The following IL20RA variants were observed in gnomAD, a reference collection of about 807,000 sequenced individuals.
IL20RA encodes interleukin 20 receptor subunit alpha.
Under a neutral mutation model 36.5 loss-of-function variants are expected in IL20RA, and 29 were observed. That is an observed-to-expected ratio of 0.79 (90% CI 0.59 to 1.08). The LOEUF (loss-of-function observed/expected upper bound fraction) is 1.08. Ranked by LOEUF, IL20RA falls within the 50% of genes least tolerant of loss-of-function variation. The pLI is 0.00. For synonymous variants in IL20RA, 279 were observed against 267.1 expected (o/e 1.04, Z -0.43); for missense variants, 652 against 668.4 (o/e 0.98, Z 0.27).
At position 137,009,493 on chromosome 6, in the gene IL20RA, C is replaced by T; in HGVS notation, c.404-1G>A. On this transcript the variant is annotated splice_acceptor_variant, in intron 3 of 6. Transcript: ENST00000316649. LOFTEE classifies it high-confidence loss of function. ...GCCACCTCTGGTGGGCCAATTTGTG[C>T]TTAAAGGGGGAGAAAGAGGGTATTA... 2 of 1,597,224 alleles carry T rather than the reference C, an allele frequency of 1.3e-6. No individual in the cohort carries two copies. The highest frequency in any genetic ancestry group is 1.7e-6 in the Non-Finnish European group (2 of 1,165,716).
At chr6:137,004,583 C>A (rs1163794436) in intron 6 of IL20RA, 38 bp downstream of exon 6, 1 of 1,595,802 alleles carries the variant, frequency 6.3e-7, no homozygotes, top group African/African-American at 1.3e-5. Flanking sequence ...TGGAGGTGTA[C>A]TATTATAATA....
chr6:137,044,490 A>T (rs914442948), intron 1 of IL20RA, 151 bp downstream of exon 1: 1 of 868,950 alleles, frequency 1.2e-6, no homozygotes, highest in East Asian at 3.7e-5. Flanking sequence ...CGGGGCTGGA[A>T]GCTCCGGCCT....
At chr6:137,030,416 C>G (rs1024572271) in intron 1 of IL20RA, among the ~76,000 whole-genome samples, 2 of 152,050 alleles carry the variant, frequency 1.3e-5, no homozygotes, top group Non-Finnish European at 2.9e-5. Flanking sequence ...TCAGTAAGTA[C>G]TTCAGTAAGC....
rs966447793 is a variant in IL20RA at position 137,004,650 on chromosome 6, C to T, written c.835G>A (p.Val279Ile). Reference protein sequence around the residue: ...MGYSIYRYIHVGKEKHPANLI... With the variant: ...MGYSIYRYIHIGKEKHPANLI... ...TTTGCTGGGTGTTTCTCTTTGCCAA[C>T]GTGGATATATCGGTAGATGGAATAG... Residue 279 changes from valine to isoleucine, a missense_variant, in exon 6 of 7, where the codon GTT becomes ATT. Val to Ile is a conservative substitution (Grantham distance 29). Transcript: ENST00000316649. 12 of 1,613,060 alleles carry T rather than the reference C, an allele frequency of 7.4e-6. No individual in the cohort carries two copies. Among genetic ancestry groups the T allele is most frequent in the Admixed American group, 3.3e-5 (2 of 59,882 alleles).
intron 1 of IL20RA, among the ~76,000 whole-genome samples, chr6:137,022,300 T>G (rs1426139731): frequency 1.3e-5 from 2 of 152,170 alleles, no homozygotes; most frequent in African/African-American, 4.8e-5. Context: ...CCTCCTCTTT[T>G]GACACGTTCT....
chr6:137,029,187 T>G (rs117990984), intron 1 of IL20RA, among the ~76,000 whole-genome samples: 2,516 of 152,360 alleles, frequency 0.017, 23 homozygotes, highest in Non-Finnish European at 0.028. Flanking sequence ...TTAGATTATA[T>G]AAAGCTCTTC....
chr6:137,009,255 T>C, intron 4 of IL20RA, 62 bp downstream of exon 4: 6 of 1,345,404 alleles, frequency 4.5e-6, no homozygotes, highest in Non-Finnish European at 5.3e-6. Flanking sequence ...TCAGGGTTGT[T>C]TGTTCCCACA....
chr6:137,006,644 G>A (rs894856543), intron 5 of IL20RA, among the ~76,000 whole-genome samples: 2 of 152,138 alleles, frequency 1.3e-5, no homozygotes, highest in African/African-American at 4.8e-5. Context: ...GTGTTGGAAA[G>A]ATATCTCTGG....
In IL20RA at chr6:137,001,683, CG is replaced by C; in HGVS notation, c.1536del (p.Gly513GlufsTer61). 6.2e-7 allele frequency: 1 copy of C among 1,614,142 alleles called. No individual in the cohort carries two copies. The highest frequency in any genetic ancestry group is 1.1e-5 in the South Asian group (1 of 91,078). On this transcript the variant is annotated frameshift_variant, in exon 7 of 7. Coordinates refer to ENST00000316649, the MANE Select transcript of IL20RA (RefSeq NM_014432.4). LOFTEE classifies it low-confidence loss of function (END_TRUNC). ...EGCEPSEGDG[L>X]GEEGLLSRLY... ...AGTCTAGATAGAAGACCCTCCTCTCCGAGCCCATCCCCCTCAGAAGGCTCGC... is the reference window on the plus strand; with the variant it reads ...AGTCTAGATAGAAGACCCTCCTCTCCAGCCCATCCCCCTCAGAAGGCTCGC...
chr6:137,037,256 C>G (rs1487145742), intron 1 of IL20RA, among the ~76,000 whole-genome samples: 1 of 152,128 alleles, frequency 6.6e-6, no homozygotes, highest in African/African-American at 2.4e-5. Flanking sequence ...ATTGAAGTAT[C>G]CATTTTGGTG....
chr6:137,032,711 A>C (rs1776340211), intron 1 of IL20RA, among the ~76,000 whole-genome samples: 1 of 152,240 alleles, frequency 6.6e-6, no homozygotes, highest in Non-Finnish European at 1.5e-5. Context: ...GGAATCTCAG[A>C]CTTTCCAATC....
At chr6:137,013,249 G>T (rs1775560658) in intron 2 of IL20RA, among the ~76,000 whole-genome samples, 1 of 152,090 alleles carries the variant, frequency 6.6e-6, no homozygotes, top group Non-Finnish European at 1.5e-5. Flanking sequence ...TGCCTATGTG[G>T]CCCCTCCCTC....
chr6:137,001,755 G>A lies in IL20RA; in HGVS notation c.1465C>T (p.Leu489=), dbSNP rs767510216. ...AAGCTGGACAGCGAAGGAATACACA[G>A]CCTGCCAGTTTGGGGATCCCAGTCG... ...LVDWDPQTGR[L]CIPSLSSFDQ... Residue 489 remains leucine, a synonymous_variant, in exon 7 of 7, where the codon CTG becomes TTG. Coordinates refer to ENST00000316649, the MANE Select transcript of IL20RA (RefSeq NM_014432.4). 4 of 1,612,404 alleles carry A rather than the reference G, an allele frequency of 2.5e-6. No individual in the cohort carries two copies. In the South Asian group the frequency reaches 3.3e-5, roughly 13 times the overall value.
chr6:137,030,806 G>GA (rs199695528), intron 1 of IL20RA, among the ~76,000 whole-genome samples: 303 of 147,678 alleles, frequency 2.1e-3, no homozygotes, highest in African/African-American at 6.9e-3. Context: ...GGGAAAAAAT[G>GA]AAAAAAAAAA....
rs1340886039 is a variant in IL20RA at position 137,001,191 on chromosome 6, G to A, written c.*367C>T. 1.2e-5 allele frequency: 2 copies of A among 168,780 alleles called. No individual in the cohort carries two copies. The highest frequency in any genetic ancestry group is 4.8e-5 in the African/African-American group (2 of 42,074). 10.5% of individuals were successfully genotyped at this position (168,780 alleles called of 1,614,324 possible). A position where few individuals can be genotyped will look rare whatever the true frequency, so the allele number is the denominator to read the frequency against. On this transcript the variant is annotated 3_prime_UTR_variant, in exon 7 of 7. Transcript: ENST00000316649. ...GGAAATATTTTTTACAGTGCTATGT[G>A]CATATGGGAAGTACCCAGAAAATAA...
chr6:137,034,091 A>G (rs896220655), intron 1 of IL20RA, among the ~76,000 whole-genome samples: 6 of 152,200 alleles, frequency 3.9e-5, no homozygotes, highest in Non-Finnish European at 7.4e-5. Flanking sequence ...TGAGTGTTGC[A>G]AAGAGCCGCA....
chr6:137,033,763 T>C (rs1277450785), intron 1 of IL20RA, among the ~76,000 whole-genome samples: 1 of 152,246 alleles, frequency 6.6e-6, no homozygotes, highest in African/African-American at 2.4e-5. Context: ...GTCACAGGTA[T>C]TTCTTTGTAG....
At chr6:137,035,088 C>T (rs116108279) in intron 1 of IL20RA, among the ~76,000 whole-genome samples, 4,234 of 152,132 alleles carry the variant, frequency 0.028, 196 homozygotes, top group African/African-American at 0.097. Context: ...CTGCATAGTA[C>T]TCCATGGTGT....
chr6:137,000,202 G>A lies in IL20RA; in HGVS notation c.*1356C>T, dbSNP rs1774979002. The A allele has an allele frequency of 6.6e-6, 1 of 152,136 alleles. No homozygotes were observed. The highest frequency in any genetic ancestry group is 6.5e-5 in the Admixed American group (1 of 15,268). 9.4% of individuals were successfully genotyped at this position (152,136 alleles called of 1,614,324 possible). Reference sequence around the variant, plus strand: ...ATAATCACGAAAGGTCATGACCCCAGAATCCATCTCTCCTACCAGGGTTGT... The same window carrying A: ...ATAATCACGAAAGGTCATGACCCCAAAATCCATCTCTCCTACCAGGGTTGT... On this transcript the variant is annotated 3_prime_UTR_variant, in exon 7 of 7. Transcript: ENST00000316649.
Sources: allele counts gnomAD v4.1 joint callset (sites outside exome capture counted in the v4.1 genomes callset), GRCh38; gene constraint gnomAD v4.1.1; transcripts MANE v1.5; gene names NCBI Gene and HGNC (gene_info 2026-07-23, HGNC 2026-07-21).